The following SMYD3 variants were observed in gnomAD, a reference collection of about 807,000 sequenced individuals.
SMYD3 encodes histone-lysine N-methyltransferase SMYD3.
In SMYD3, 36 loss-of-function variants were observed where a neutral mutation model predicts 57.7. The observed-to-expected ratio is 0.62, with a 90% CI of 0.48 to 0.82. The LOEUF (loss-of-function observed/expected upper bound fraction) is 0.82, where lower values mean the gene tolerates loss of function less well. SMYD3 is among the 40% of genes least tolerant of loss of function. The probability of loss-of-function intolerance (pLI) is 0.00; values close to 1 mark genes in which losing one functional copy is unlikely to be tolerated. For missense variants in SMYD3, 515 were observed against 538.8 expected, an observed-to-expected ratio of 0.96 and a Z score of 0.44; for synonymous variants, 211 against 195.0, an observed-to-expected ratio of 1.08 and a Z score of -0.68.
chr1:246,383,550 T>C (rs1407308745), intron 1 of SMYD3, among the ~76,000 whole-genome samples: 1 of 152,226 alleles, frequency 6.6e-6, no homozygotes, highest in Non-Finnish European at 1.5e-5. Context: ...CAGACAATTA[T>C]TTTGGATATG....
chr1:246,234,419 C>G (rs1233970261), intron 5 of SMYD3, among the ~76,000 whole-genome samples: 1 of 152,216 alleles, frequency 6.6e-6, no homozygotes, highest in African/African-American at 2.4e-5. Flanking sequence ...TTCTTCCATT[C>G]ACACTGTGAT....
intron 8 of SMYD3, among the ~76,000 whole-genome samples, chr1:245,895,147 T>C (rs1201208733): frequency 1.3e-5 from 2 of 149,228 alleles, no homozygotes; most frequent in Non-Finnish European, 3.0e-5. Context: ...TATGTGATTA[T>C]GAAGTCAGTA....
intron 8 of SMYD3, among the ~76,000 whole-genome samples, chr1:245,909,422 T>G (rs1284513520): frequency 4.0e-5 from 6 of 151,856 alleles, no homozygotes; most frequent in Non-Finnish European, 8.8e-5. Context: ...CCAGAAAAAT[T>G]AGGAGGAGGA....
intron 5 of SMYD3, among the ~76,000 whole-genome samples, chr1:246,127,634 G>A (rs532525009): frequency 4.6e-5 from 7 of 152,206 alleles, no homozygotes; most frequent in African/African-American, 1.2e-4. Context: ...GGTGAATCAC[G>A]CCTGTAATCT....
chr1:245,754,693 T>A (rs2045535988), intron 11 of SMYD3, among the ~76,000 whole-genome samples: 1 of 152,232 alleles, frequency 6.6e-6, no homozygotes, highest in African/African-American at 2.4e-5. Context: ...AAGTGTGTAT[T>A]CCGCTGGAGG....
chr1:246,430,518 A>G (rs2067280739), intron 1 of SMYD3, among the ~76,000 whole-genome samples: 1 of 152,236 alleles, frequency 6.6e-6, no homozygotes, highest in Non-Finnish European at 1.5e-5. Flanking sequence ...GTAGGCAAGA[A>G]GAGACACTGA....
At chr1:246,313,785 T>C (rs532225954) in intron 5 of SMYD3, among the ~76,000 whole-genome samples, 1 of 152,252 alleles carries the variant, frequency 6.6e-6, no homozygotes, top group African/African-American at 2.4e-5. Context: ...GGCCAAAGAG[T>C]ATTTTCTTAT....
intron 5 of SMYD3, among the ~76,000 whole-genome samples, chr1:246,098,078 T>G (rs1271314509): frequency 6.6e-6 from 1 of 152,146 alleles, no homozygotes; most frequent in African/African-American, 2.4e-5. Context: ...TTTATTTCCA[T>G]CAAGATAAAC....
intron 10 of SMYD3, among the ~76,000 whole-genome samples, chr1:245,811,669 T>A (rs1225998668): frequency 6.6e-6 from 1 of 152,240 alleles, no homozygotes; most frequent in Non-Finnish European, 1.5e-5. Flanking sequence ...TGGAAAAAGC[T>A]ATCTTCCTAA....
At chr1:246,226,909 C>T (rs1410645935) in intron 5 of SMYD3, among the ~76,000 whole-genome samples, 1 of 152,152 alleles carries the variant, frequency 6.6e-6, no homozygotes, top group Non-Finnish European at 1.5e-5. Flanking sequence ...TATAAATCAT[C>T]TAGTTCATCT....
chr1:246,094,020 C>G (rs1259486924), intron 5 of SMYD3, among the ~76,000 whole-genome samples: 1 of 152,074 alleles, frequency 6.6e-6, no homozygotes, highest in Non-Finnish European at 1.5e-5. Flanking sequence ...AGAGCTGTGT[C>G]TAACTACCAA....
At chr1:246,360,607 C>A (rs1419561910) in intron 1 of SMYD3, among the ~76,000 whole-genome samples, 2 of 151,558 alleles carry the variant, frequency 1.3e-5, no homozygotes. Flanking sequence ...TAAAAATAGG[C>A]ACAATGAAAC....
At chr1:246,206,787 G>A (rs2063007030) in intron 5 of SMYD3, among the ~76,000 whole-genome samples, 1 of 152,176 alleles carries the variant, frequency 6.6e-6, no homozygotes, top group Non-Finnish European at 1.5e-5. Context: ...CTCTGAAAAA[G>A]TTGGGAAAAC....
intron 10 of SMYD3, among the ~76,000 whole-genome samples, chr1:245,813,800 G>C (rs1328606756): frequency 6.7e-6 from 1 of 149,802 alleles, no homozygotes; most frequent in Non-Finnish European, 1.5e-5. Flanking sequence ...GTTGAGTTTA[G>C]ATGGCCTCAG....
chr1:246,030,851 G>A (rs921054580), intron 5 of SMYD3, among the ~76,000 whole-genome samples: 1 of 151,842 alleles, frequency 6.6e-6, no homozygotes, highest in East Asian at 1.9e-4. Context: ...ACTTTTTTTT[G>A]CAGTGGAACG....
intron 11 of SMYD3, among the ~76,000 whole-genome samples, chr1:245,762,011 C>T (rs2045867141): frequency 1.3e-5 from 2 of 152,104 alleles, no homozygotes; most frequent in African/African-American, 4.8e-5. Flanking sequence ...TCTTGAACCC[C>T]TGACCTCAGG....
intron 1 of SMYD3, among the ~76,000 whole-genome samples, chr1:246,475,073 T>C (rs1185759662): frequency 6.6e-6 from 1 of 152,094 alleles, no homozygotes; most frequent in Non-Finnish European, 1.5e-5. Context: ...TCCCAGCACT[T>C]TGAGATGCTG....
At chr1:246,063,030 C>T (rs1159343444) in intron 5 of SMYD3, among the ~76,000 whole-genome samples, 2 of 152,234 alleles carry the variant, frequency 1.3e-5, no homozygotes, top group Non-Finnish European at 1.5e-5. Context: ...ACATCCACAG[C>T]TGACTGCATC....
intron 1 of SMYD3, among the ~76,000 whole-genome samples, chr1:246,432,281 T>A (rs2067308613): frequency 6.6e-6 from 1 of 152,252 alleles, no homozygotes; most frequent in Non-Finnish European, 1.5e-5. Context: ...GATTACATAT[T>A]TAACTTGGCT....
Sources: gnomAD v4.1 joint callset for allele counts (sites outside exome capture counted in the v4.1 genomes callset) on GRCh38, gnomAD v4.1.1 for gene constraint, MANE v1.5 for transcripts, NCBI Gene and HGNC (gene_info 2026-07-23, HGNC 2026-07-21) for gene names.